Variants in EDARADD observed in about 807,000 individuals in gnomAD.
EDARADD encodes ectodysplasin-A receptor-associated adapter protein.
A neutral mutation model predicts 25.6 loss-of-function variants in EDARADD; 20 were observed. The ratio of observed to expected loss-of-function variants is 0.78; its 90% CI spans 0.55 to 1.14. The LOEUF (loss-of-function observed/expected upper bound fraction) is 1.14, where lower values mean the gene tolerates loss of function less well. Ranked by LOEUF, EDARADD falls within the 50% of genes most tolerant of loss-of-function variation. EDARADD has a pLI of 0.00. For missense variants in EDARADD, 225 were observed against 270.1 expected, an observed-to-expected ratio of 0.83 and a Z score of 1.17; for synonymous variants, 86 against 94.4, an observed-to-expected ratio of 0.91 and a Z score of 0.52.
At chr1:236,468,389 C>A (rs913863221) in intron 5 of EDARADD, 113 bp downstream of exon 5, 57 of 1,121,162 alleles carry the variant, frequency 5.1e-5, no homozygotes, top group Admixed American at 3.5e-5. Flanking sequence ...TTTGGGAGGC[C>A]AAGGTGGGCG....
intron 3 of EDARADD, among the ~76,000 whole-genome samples, chr1:236,419,685 C>T (rs575899862): frequency 1.3e-5 from 2 of 152,286 alleles, no homozygotes; most frequent in East Asian, 1.9e-4. Context: ...CGAGGCAAGC[C>T]TGGGTCAGAT....
chr1:236,432,016 G>C (rs969555931), intron 4 of EDARADD, among the ~76,000 whole-genome samples: 2 of 151,896 alleles, frequency 1.3e-5, no homozygotes, highest in African/African-American at 4.8e-5. Flanking sequence ...TCTCGGATGT[G>C]TGTAAGGCTC....
In EDARADD at chr1:236,484,551, C is replaced by T; in HGVS notation, c.*1902C>T. On this transcript the variant is annotated 3_prime_UTR_variant, in exon 6 of 6. Transcript: ENST00000334232. The surrounding 1 kb of genome is among the most constrained non-coding windows in gnomAD (Gnocchi z 4.1). ...TGTCAACTCCGGCAGCTCAAGACCC[C>T]CGAGCAACATTTGTAGGGGCCGCTG... 1 of 1,161,648 alleles carries T rather than the reference C, an allele frequency of 8.6e-7. No individual in the cohort carries two copies. 72.0% of individuals were successfully genotyped at this position (1,161,648 alleles called of 1,614,324 possible).
chr1:236,471,674 T>G (rs927521325), intron 5 of EDARADD, among the ~76,000 whole-genome samples: 1 of 152,208 alleles, frequency 6.6e-6, no homozygotes, highest in African/African-American at 2.4e-5. Flanking sequence ...CTAATGGTTT[T>G]GAACTAACTC....
Position 236,417,117 on chromosome 1 carries a change from AAAATAAATAAAT to A in EDARADD, c.160+2837_160+2848del, listed in dbSNP as rs59744483. 1.0e-4 allele frequency among the ~76,000 whole-genome samples: 15 copies of A among 150,636 alleles called. No homozygotes were observed. In the East Asian group the frequency reaches 1.2e-3, roughly 12 times the overall value. On this transcript the variant is annotated intron_variant, in intron 3 of 5. Transcript: ENST00000334232. The stretch of plus-strand genomic sequence containing the variant: ...GGTAACAGAATGAGACCCTGTCTCA[AAAATAAATAAAT>A]AAATAAATAAATAAATAAGTTGTTT...
At position 236,395,804 on chromosome 1, in the gene EDARADD, C is replaced by T. The variant is rs1360610210; in HGVS notation, c.61+1299C>T. 14 of 723,256 alleles carry T rather than the reference C, an allele frequency of 1.9e-5. No individual in the cohort carries two copies. Among genetic ancestry groups the T allele is most frequent in the Non-Finnish European group, 2.7e-5 (13 of 488,264 alleles). The allele number at this position is 723,256 out of a possible 1,614,324, so 44.8% of individuals were successfully genotyped here. Reference sequence around the variant, plus strand: ...GCCCGGGAACCACCCCCGACCCAGGCGCCAGACCCGGAGTCGCACGGGGCT... The same window carrying T: ...GCCCGGGAACCACCCCCGACCCAGGTGCCAGACCCGGAGTCGCACGGGGCT... On this transcript the variant is annotated intron_variant, in intron 1 of 5. Coordinates refer to ENST00000334232, the MANE Select transcript of EDARADD (RefSeq NM_145861.4). This position sits in a 1 kb window ranked among gnomAD's most constrained non-coding sequence, Gnocchi z 6.9.
intron 4 of EDARADD, among the ~76,000 whole-genome samples, chr1:236,456,858 A>G (rs746811493): frequency 1.1e-4 from 17 of 152,042 alleles, no homozygotes; most frequent in Non-Finnish European, 2.4e-4. Context: ...TCACTGACCC[A>G]GCGTCATGCC....
At chr1:236,363,004 A>ATATATATATAT (rs1309610398) in intron 3 of EDARADD, among the ~76,000 whole-genome samples, 185 of 58,130 alleles carry the variant, frequency 3.2e-3, no homozygotes, top group Non-Finnish European at 4.1e-3. Flanking sequence ...AAAAAAAAAA[A>ATATATATATAT]AAATATATAT....
intron 3 of EDARADD, among the ~76,000 whole-genome samples, chr1:236,358,001 T>C (rs1667001394): frequency 6.6e-6 from 1 of 152,052 alleles, no homozygotes; most frequent in South Asian, 2.1e-4. Flanking sequence ...GCCTCCTGAA[T>C]AACAGGGATT....
intron 1 of EDARADD, 72 bp from the exon 2 acceptor site, chr1:236,409,144 A>C (rs1667791203): frequency 9.2e-7 from 1 of 1,089,736 alleles, no homozygotes; most frequent in Non-Finnish European, 1.4e-6. Context: ...AGAGACAGTT[A>C]TCAAAGGACT....
Position 236,414,209 on chromosome 1 carries a change from G to C in EDARADD, c.121-51G>C, listed in dbSNP as rs373893322. On this transcript the variant is annotated intron_variant, in intron 2 of 5. Coordinates refer to ENST00000334232, the MANE Select transcript of EDARADD (RefSeq NM_145861.4). The stretch of plus-strand genomic sequence containing the variant: ...CAAGACAAAGCTTTCTTTTCACTTT[G>C]ATCTTACATGGCATTTAAAAATAAT... 121 of 1,480,306 alleles carry C rather than the reference G, an allele frequency of 8.2e-5. No homozygotes were observed. The African/African-American group carries it at 1.2e-3, about 14-fold the overall frequency. The allele number at this position is 1,480,306 out of a possible 1,614,324, so 91.7% of individuals were successfully genotyped here.
In EDARADD at chr1:236,398,846, C is replaced by T. The variant is rs551121227; in HGVS notation, c.61+4341C>T. On this transcript the variant is annotated intron_variant, in intron 1 of 5. Coordinates refer to ENST00000334232, the MANE Select transcript of EDARADD (RefSeq NM_145861.4). The surrounding 1 kb of genome is among the most constrained non-coding windows in gnomAD (Gnocchi z 4.1). ...TTTCTAGCTGTGATTATTTGGCCAC[C>T]GTGGCTATTTCCAGTAGGAAATAAA... 2.2e-4 allele frequency among the ~76,000 whole-genome samples: 33 copies of T among 152,306 alleles called. No individual in the cohort carries two copies. Among genetic ancestry groups the T allele is most frequent in the African/African-American group, 7.5e-4 (31 of 41,550 alleles).
At chr1:236,440,833 A>G (rs1222853012) in intron 4 of EDARADD, among the ~76,000 whole-genome samples, 1 of 152,154 alleles carries the variant, frequency 6.6e-6, no homozygotes, top group Non-Finnish European at 1.5e-5. Flanking sequence ...TGACTGCTCC[A>G]ATGACTGGCC....
Position 236,484,445 on chromosome 1 carries a change from C to A in EDARADD, c.*1796C>A. 1.2e-6 allele frequency: 2 copies of A among 1,609,526 alleles called. No individual in the cohort carries two copies. The highest frequency in any genetic ancestry group is 1.7e-6 in the Non-Finnish European group (2 of 1,177,936). On this transcript the variant is annotated 3_prime_UTR_variant, in exon 6 of 6. Transcript: ENST00000334232. The surrounding 1 kb of genome is among the most constrained non-coding windows in gnomAD (Gnocchi z 4.1). ...GCAAGGCTAAGTTTGCCGGCAGGAACTTCAGAAACCCCCCAGCCAAGTAAG... is the reference window on the plus strand; with the variant it reads ...GCAAGGCTAAGTTTGCCGGCAGGAAATTCAGAAACCCCCCAGCCAAGTAAG...
At chr1:236,374,269 C>T (rs1667200785) in intron 3 of EDARADD, among the ~76,000 whole-genome samples, 1 of 121,302 alleles carries the variant, frequency 8.2e-6, no homozygotes, top group South Asian at 3.0e-4. Flanking sequence ...TCCCTCCCTT[C>T]CTCCCTTCCT....
chr1:236,410,033 G>T (rs190534524), intron 2 of EDARADD, among the ~76,000 whole-genome samples: 122 of 151,722 alleles, frequency 8.0e-4, no homozygotes, highest in African/African-American at 2.4e-3. Context: ...TTGCTTTAAG[G>T]GTATCCAAAG....
chr1:236,454,040 CT>C (rs1658783375), intron 4 of EDARADD, among the ~76,000 whole-genome samples: 1 of 151,970 alleles, frequency 6.6e-6, no homozygotes, highest in South Asian at 2.1e-4. Context: ...GTATCTTTTT[CT>C]TTTTCTTTTT....
rs878988661 is a variant in EDARADD at position 236,483,488 on chromosome 1, A to G, written c.*839A>G. The G allele has an allele frequency of 5.9e-6, 6 of 1,020,936 alleles. No homozygotes were observed. The highest frequency in any genetic ancestry group is 1.3e-5 in the South Asian group (1 of 78,920). The allele number at this position is 1,020,936 out of a possible 1,614,324, so 63.2% of individuals were successfully genotyped here. The stretch of plus-strand genomic sequence containing the variant: ...CAGAAAATAAATCTAAATTTGGTGC[A>G]AATGCCATTCTGGGAGTGTCCCTCG... On this transcript the variant is annotated 3_prime_UTR_variant, in exon 6 of 6. Transcript: ENST00000334232.
At chr1:236,390,899 C>T (rs1472274640), upstream of EDARADD, among the ~76,000 whole-genome samples, 1 of 151,776 alleles carries the variant, frequency 6.6e-6, no homozygotes, top group Non-Finnish European at 1.5e-5. Flanking sequence ...TTCACTCCTG[C>T]TCCTTCCTTC....
Sources: gnomAD v4.1 joint callset for allele counts (sites outside exome capture counted in the v4.1 genomes callset) on GRCh38, gnomAD v4.1.1 for gene constraint, Gnocchi (gnomAD v3.1) non-coding constraint, MANE v1.5 for transcripts, NCBI Gene and HGNC (gene_info 2026-07-23, HGNC 2026-07-21) for gene names.